The following STK10 variants were observed in gnomAD, a reference collection of about 807,000 sequenced individuals.
STK10 encodes the protein serine/threonine kinase 10.
In STK10, 78 loss-of-function variants were observed where a neutral mutation model predicts 113.8. The observed-to-expected ratio is 0.69, with a 90% confidence interval of 0.57 to 0.83. The LOEUF (loss-of-function observed/expected upper bound fraction) is 0.83, where lower values mean the gene tolerates loss of function less well. Among genes scored for constraint, STK10 ranks in the 40% least tolerant of loss-of-function variants. The pLI is 0.00. For missense variants in STK10, 1,109 were observed against 1,280.1 expected, an observed-to-expected ratio of 0.87 and a Z score of 2.04; for synonymous variants, 465 against 494.7, an observed-to-expected ratio of 0.94 and a Z score of 0.80.
At chr5:172,109,655 C>T (rs1248831551) in intron 4 of STK10, among the ~76,000 whole-genome samples, 1 of 152,162 alleles carries the variant, frequency 6.6e-6, no homozygotes, top group East Asian at 1.9e-4. Flanking sequence ...TCTTTCCTCA[C>T]ACACCCGCTG....
chr5:172,089,529 G>A (rs1446054082), intron 10 of STK10, among the ~76,000 whole-genome samples: 1 of 152,082 alleles, frequency 6.6e-6, no homozygotes, highest in Non-Finnish European at 1.5e-5. Context: ...TGGGTGGACA[G>A]ACGGAAAGGT....
intron 3 of STK10, among the ~76,000 whole-genome samples, chr5:172,118,159 G>A (rs1769430238): frequency 6.6e-6 from 1 of 152,168 alleles, no homozygotes; most frequent in African/African-American, 2.4e-5. Flanking sequence ...TTTTACAGAT[G>A]AGGAAATTGA....
intron 15 of STK10, among the ~76,000 whole-genome samples, chr5:172,056,470 A>G (rs1471127677): frequency 6.6e-6 from 1 of 152,170 alleles, no homozygotes; most frequent in Non-Finnish European, 1.5e-5. Flanking sequence ...GTGGTGTTTA[A>G]GTGGAGACCT....
chr5:172,187,164 C>T lies in STK10; in HGVS notation c.156+723G>A, dbSNP rs868366025. 6.6e-6 allele frequency among the ~76,000 whole-genome samples: 1 copy of T among 152,244 alleles called. No homozygotes were observed. Among genetic ancestry groups the T allele is most frequent in the Middle Eastern group, 3.4e-3 (1 of 294 alleles). ...ACTTCTCTAGACTCAATCAGCTCTG[C>T]CCCACCCACTCCACAAAAGCTCTCT... On this transcript the variant is annotated intron_variant, in intron 1 of 18. Transcript: ENST00000176763. This position sits in a 1 kb window ranked among gnomAD's most constrained non-coding sequence, Gnocchi z 4.6.
chr5:172,070,879 A>C (rs1298666425), intron 12 of STK10, among the ~76,000 whole-genome samples: 1 of 152,162 alleles, frequency 6.6e-6, no homozygotes, highest in East Asian at 1.9e-4. Flanking sequence ...TATTAAAATG[A>C]AATCTACAAA....
chr5:172,105,514 G>A lies in STK10; in HGVS notation c.870+142C>T, dbSNP rs957424746. ...AACACAGAGCTGGCATTCAGGAGGT[G>A]CCTGGGGAATACCCGCTGATGGACA... is the stretch of plus-strand genomic sequence containing the variant. On this transcript the variant is annotated intron_variant, in intron 7 of 18. Coordinates refer to ENST00000176763, the MANE Select transcript of STK10 (RefSeq NM_005990.4). The A allele has an allele frequency of 2.0e-4, 171 of 838,750 alleles. No individual in the cohort carries two copies. The highest frequency in any genetic ancestry group is 5.1e-5 in the Non-Finnish European group (27 of 529,286). 52.0% of individuals were successfully genotyped at this position (838,750 alleles called of 1,614,324 possible). A position where few individuals can be genotyped will look rare whatever the true frequency, so the allele number is the denominator to read the frequency against.
chr5:172,102,699 G>T (rs1769017218), intron 7 of STK10, among the ~76,000 whole-genome samples: 1 of 152,160 alleles, frequency 6.6e-6, no homozygotes, highest in South Asian at 2.1e-4. Flanking sequence ...GCTGACCCAT[G>T]GCACAGAAAC....
At chr5:172,131,513 G>T (rs924986107) in intron 2 of STK10, among the ~76,000 whole-genome samples, 1 of 152,160 alleles carries the variant, frequency 6.6e-6, no homozygotes, top group African/African-American at 2.4e-5. Context: ...CTCTTCTTTA[G>T]TTCAAGAGCT....
intron 1 of STK10, among the ~76,000 whole-genome samples, chr5:172,157,478 C>A (rs1264166536): frequency 6.6e-6 from 1 of 152,116 alleles, no homozygotes; most frequent in African/African-American, 2.4e-5. Context: ...ATCGCTTGAA[C>A]CCGGGAGGCA....
chr5:172,183,129 C>G (rs1007685012), intron 1 of STK10, among the ~76,000 whole-genome samples: 13 of 152,158 alleles, frequency 8.5e-5, no homozygotes, highest in Non-Finnish European at 1.6e-4. Context: ...ATCCCTTGAG[C>G]CCAGGAGTTC....
chr5:172,096,589 A>T (rs1174889896), intron 7 of STK10, 29 bp from the exon 8 acceptor site: 11 of 1,610,290 alleles, frequency 6.8e-6, no homozygotes, highest in Middle Eastern at 1.6e-4. Flanking sequence ...CCCAGATTAG[A>T]ACCACTCTGG....
intron 12 of STK10, among the ~76,000 whole-genome samples, chr5:172,077,955 T>C (rs1252562800): frequency 3.9e-5 from 6 of 151,968 alleles, no homozygotes; most frequent in South Asian, 2.1e-4. Flanking sequence ...GAATGGCTGA[T>C]GCATCTGTAG....
At chr5:172,114,625 G>GCT (rs1769333513) in intron 4 of STK10, 1 of 150,100 alleles carries the variant, frequency 6.7e-6, no homozygotes, top group Non-Finnish European at 1.5e-5. Flanking sequence ...TGGGACTACA[G>GCT]GCGCCCGCCA....
At chr5:172,178,411 G>A (rs969751090) in intron 1 of STK10, among the ~76,000 whole-genome samples, 8 of 152,046 alleles carry the variant, frequency 5.3e-5, no homozygotes, top group South Asian at 2.1e-4. Flanking sequence ...AAGCTTCCCC[G>A]CTCTCGGCTG....
intron 18 of STK10, among the ~76,000 whole-genome samples, chr5:172,047,889 T>C (rs1312984499): frequency 2.7e-5 from 4 of 148,266 alleles, no homozygotes; most frequent in Admixed American, 1.4e-4. Flanking sequence ...TGAGGTCCCA[T>C]GTTTTTTGGG....
At chr5:172,049,141 TC>T (rs1767571258) in intron 18 of STK10, among the ~76,000 whole-genome samples, 1 of 152,154 alleles carries the variant, frequency 6.6e-6, no homozygotes, top group Non-Finnish European at 1.5e-5. Context: ...GGTCGGTTCT[TC>T]CGGAGGGCAT....
chr5:172,187,797 C>T lies in STK10; in HGVS notation c.156+90G>A, dbSNP rs1770982301. On this transcript the variant is annotated intron_variant, in intron 1 of 18. Coordinates refer to ENST00000176763, the MANE Select transcript of STK10 (RefSeq NM_005990.4). This position sits in a 1 kb window ranked among gnomAD's most constrained non-coding sequence, Gnocchi z 4.6. ...ATTCAGCGCCGGGCAGCCCTCGGAG[C>T]CGGAGCCAGGCTGGCCGGGTCCGGC... 6.5e-7 allele frequency: 1 copy of T among 1,536,972 alleles called. No individual in the cohort carries two copies. Among genetic ancestry groups the T allele is most frequent in the South Asian group, 1.2e-5 (1 of 83,700 alleles).
At chr5:172,169,000 C>T (rs760548338) in intron 1 of STK10, among the ~76,000 whole-genome samples, 1 of 152,124 alleles carries the variant, frequency 6.6e-6, no homozygotes, top group Non-Finnish European at 1.5e-5. Flanking sequence ...CCCAGGGTCC[C>T]GCCATTCCCT....
intron 14 of STK10, among the ~76,000 whole-genome samples, chr5:172,059,214 A>G (rs1767876484): frequency 6.6e-6 from 1 of 152,092 alleles, no homozygotes; most frequent in Non-Finnish European, 1.5e-5. Context: ...TAAGGTCAGG[A>G]GTTCAAGACC....
Sources: allele counts gnomAD v4.1 joint callset (sites outside exome capture counted in the v4.1 genomes callset), GRCh38; gene constraint gnomAD v4.1.1; non-coding constraint Gnocchi (gnomAD v3.1); transcripts MANE v1.5; gene names NCBI Gene and HGNC (gene_info 2026-07-23, HGNC 2026-07-21).